Variants in PPARGC1A observed in about 807,000 individuals in gnomAD.
The protein encoded by PPARGC1A is peroxisome proliferator-activated receptor gamma coactivator 1-alpha.
PPARGC1A carries 25 observed loss-of-function variants against 88.7 expected under a neutral mutation model. That is an observed-to-expected ratio of 0.28 (90% CI 0.21 to 0.39). PPARGC1A has a LOEUF of 0.39. Among genes scored for constraint, PPARGC1A ranks in the 10% least tolerant of loss-of-function variants. The pLI, the probability that PPARGC1A is intolerant of heterozygous loss-of-function variation, is 1.00. For synonymous variants in PPARGC1A, 363 were observed against 355.6 expected, an observed-to-expected ratio of 1.02 and a Z score of -0.24; for missense variants, 880 against 968.7, an observed-to-expected ratio of 0.91 and a Z score of 1.22.
chr4:23,924,181 A>T, the PPARGC1A span, among the ~76,000 whole-genome samples: 1 of 152,052 alleles, frequency 6.6e-6, no homozygotes, highest in African/African-American at 2.4e-5. Flanking sequence ...ATCAACTAGG[A>T]CTCCAAATGG....
chr4:24,408,744 C>T, the PPARGC1A span, among the ~76,000 whole-genome samples: 9,138 of 152,300 alleles, frequency 0.06, 307 homozygotes, highest in Middle Eastern at 0.11. Flanking sequence ...ATCCAGCCCA[C>T]TGGTATCTTT....
At chr4:24,126,735 G>A in the PPARGC1A span, among the ~76,000 whole-genome samples, 1 of 152,158 alleles carries the variant, frequency 6.6e-6, no homozygotes, top group African/African-American at 2.4e-5. Context: ...TGTTAATTAT[G>A]AGTTCCCAAG....
intron 2 of PPARGC1A, among the ~76,000 whole-genome samples, chr4:23,854,392 T>A (rs1312592979): frequency 6.6e-6 from 1 of 152,172 alleles, no homozygotes; most frequent in Non-Finnish European, 1.5e-5. Flanking sequence ...GGCATCCAGA[T>A]TTTCCCTCTG....
At chr4:24,430,964 A>G in the PPARGC1A span, among the ~76,000 whole-genome samples, 1 of 151,964 alleles carries the variant, frequency 6.6e-6, no homozygotes, top group Non-Finnish European at 1.5e-5. Flanking sequence ...CTAAAAAAAA[A>G]TACCAAAAAA....
At chr4:24,008,833 A>G in the PPARGC1A span, among the ~76,000 whole-genome samples, 2 of 152,188 alleles carry the variant, frequency 1.3e-5, no homozygotes, top group African/African-American at 4.8e-5. Context: ...CTGATCACAC[A>G]GTTGTGCAAT....
the PPARGC1A span, among the ~76,000 whole-genome samples, chr4:24,429,800 C>T: frequency 6.6e-6 from 1 of 151,894 alleles, no homozygotes; most frequent in Admixed American, 6.6e-5. Flanking sequence ...CACAGGCACC[C>T]GCCACCAGGC....
At chr4:24,072,189 TATTAA>T in the PPARGC1A span, among the ~76,000 whole-genome samples, 9 of 148,324 alleles carry the variant, frequency 6.1e-5, no homozygotes, top group South Asian at 2.1e-4. Context: ...ATAATTTATA[TATTAA>T]ATTAAATAAC....
the PPARGC1A span, among the ~76,000 whole-genome samples, chr4:24,185,274 G>A: frequency 1.3e-5 from 2 of 152,102 alleles, no homozygotes; most frequent in African/African-American, 4.8e-5. Context: ...CTGTCACAAT[G>A]TAATTCCAAA....
chr4:23,792,709 A>C lies in PPARGC1A; in HGVS notation c.*3113T>G, dbSNP rs2109279169. The C allele has an allele frequency of 6.5e-6, 1 of 152,700 alleles. No homozygotes were observed. Among genetic ancestry groups the C allele is most frequent in the South Asian group, 2.1e-4 (1 of 4,822 alleles). The allele number at this position is 152,700 out of a possible 1,614,324, so 9.5% of individuals were successfully genotyped here. A position where few individuals can be genotyped will look rare whatever the true frequency, so the allele number is the denominator to read the frequency against. On this transcript the variant is annotated 3_prime_UTR_variant, in exon 13 of 13. Coordinates refer to ENST00000264867, the MANE Select transcript of PPARGC1A (RefSeq NM_013261.5). ...GAAGGCAATGGCCCACGGTCTTCTA[A>C]AAATCCTACAGATCTATGCTGAAAT...
chr4:24,356,214 A>AG, the PPARGC1A span, among the ~76,000 whole-genome samples: 40 of 148,914 alleles, frequency 2.7e-4, no homozygotes, highest in African/African-American at 7.8e-4. Context: ...AAAAAAAAAA[A>AG]AAAGAGAGAG....
the PPARGC1A span, among the ~76,000 whole-genome samples, chr4:24,436,998 C>G: frequency 6.6e-6 from 1 of 152,248 alleles, no homozygotes; most frequent in African/African-American, 2.4e-5. Context: ...GCAGGGGGAA[C>G]ACATGGGTAT....
chr4:24,187,464 G>T, the PPARGC1A span, among the ~76,000 whole-genome samples: 1 of 152,178 alleles, frequency 6.6e-6, no homozygotes, highest in South Asian at 2.1e-4. Flanking sequence ...AAAATCATGG[G>T]TTTGGAGTTC....
At chr4:24,047,838 T>C in the PPARGC1A span, among the ~76,000 whole-genome samples, 7 of 152,210 alleles carry the variant, frequency 4.6e-5, no homozygotes, top group African/African-American at 1.7e-4. Context: ...CCATGCTTAA[T>C]GCCACTCTTA....
At chr4:24,354,239 T>C in the PPARGC1A span, among the ~76,000 whole-genome samples, 2 of 152,224 alleles carry the variant, frequency 1.3e-5, no homozygotes, top group South Asian at 2.1e-4. Context: ...TGTGATTACA[T>C]TGGGCCCACC....
the PPARGC1A span, among the ~76,000 whole-genome samples, chr4:24,125,053 G>A: frequency 7.2e-5 from 11 of 152,042 alleles, no homozygotes; most frequent in South Asian, 4.1e-4. Context: ...GAAACTTAAC[G>A]CTTCATAGAA....
At chr4:24,010,357 G>A in the PPARGC1A span, among the ~76,000 whole-genome samples, 1 of 152,140 alleles carries the variant, frequency 6.6e-6, no homozygotes, top group Admixed American at 6.5e-5. Flanking sequence ...ATTTAAAGGA[G>A]GGAGTAATTC....
chr4:24,103,459 C>A, the PPARGC1A span, among the ~76,000 whole-genome samples: 11 of 151,988 alleles, frequency 7.2e-5, no homozygotes, highest in Non-Finnish European at 1.0e-4. Context: ...GAAAGAGCAC[C>A]CAGGACAGAG....
the PPARGC1A span, among the ~76,000 whole-genome samples, chr4:24,001,502 CAT>C: frequency 6.6e-5 from 10 of 152,078 alleles, no homozygotes; most frequent in African/African-American, 2.4e-4. Flanking sequence ...TGTGTAAAAA[CAT>C]AGCAACAATT....
chr4:24,122,428 T>TAG, the PPARGC1A span, among the ~76,000 whole-genome samples: 1 of 141,744 alleles, frequency 7.1e-6, no homozygotes, highest in African/African-American at 2.7e-5. Flanking sequence ...TATATATATA[T>TAG]ATATATATAG....
Sources: gnomAD v4.1 joint callset for allele counts (sites outside exome capture counted in the v4.1 genomes callset) on GRCh38, gnomAD v4.1.1 for gene constraint, MANE v1.5 for transcripts, NCBI Gene and HGNC (gene_info 2026-07-23, HGNC 2026-07-21) for gene names.